Variants in PIK3R4 observed in about 807,000 individuals in gnomAD.
PIK3R4 encodes the protein phosphoinositide-3-kinase regulatory subunit 4.
A neutral mutation model predicts 136.5 loss-of-function variants in PIK3R4; 46 were observed. The ratio of observed to expected loss-of-function variants is 0.34; its 90% CI spans 0.27 to 0.43. PIK3R4 has a LOEUF of 0.43. Among genes scored for constraint, PIK3R4 ranks in the 20% least tolerant of loss-of-function variants. The pLI is 1.00. For missense variants in PIK3R4, 1,331 were observed against 1,649.5 expected (o/e 0.81, Z 3.35); for synonymous variants, 557 against 566.7 (o/e 0.98, Z 0.24).
At position 130,705,667 on chromosome 3, in the gene PIK3R4, A is replaced by C. The variant is rs144146786; in HGVS notation, c.2826T>G (p.Thr942=). The C allele has an allele frequency of 6.8e-6, 11 of 1,612,520 alleles. No individual in the cohort carries two copies. In the African/African-American group the frequency reaches 1.5e-4, roughly 22 times the overall value. ...TYQIRITTCK[T]ELQQLIQQKR... ...TTTGCTGGATGAGTTGCTGAAGTTC[A>C]GTTTTACAAGTTGTAATTCGAATCT... Residue 942 remains threonine (T), a synonymous_variant, in exon 12 of 20, where the codon ACT becomes ACG. Transcript: ENST00000356763.
chr3:130,743,578 ACC>A (rs2066836302), intron 2 of PIK3R4, among the ~76,000 whole-genome samples: 2 of 152,164 alleles, frequency 1.3e-5, no homozygotes, highest in Non-Finnish European at 2.9e-5. Context: ...TGTCTCAGGG[ACC>A]AGCATCACCA....
chr3:130,681,452 G>T, intron 17 of PIK3R4, 39 bp downstream of exon 17: 1 of 1,194,668 alleles, frequency 8.4e-7, no homozygotes, highest in Non-Finnish European at 1.3e-6. Context: ...AGGATGTGGG[G>T]AATAATATCA....
intron 2 of PIK3R4, among the ~76,000 whole-genome samples, chr3:130,743,894 A>T (rs1157189502): frequency 1.3e-5 from 2 of 152,148 alleles, no homozygotes; most frequent in Non-Finnish European, 2.9e-5. Flanking sequence ...GTTCCAGAAA[A>T]CACATCAGTG....
chr3:130,736,797 A>G (rs2066788012), intron 2 of PIK3R4, among the ~76,000 whole-genome samples: 1 of 152,214 alleles, frequency 6.6e-6, no homozygotes, highest in African/African-American at 2.4e-5. Flanking sequence ...CATAAAGCAG[A>G]TAAAATCCTT....
rs765623207 is a variant in PIK3R4, at chr3:130,706,988, G to A, written c.2681C>T (p.Ser894Phe). 7 of 1,612,298 alleles carry A rather than the reference G, an allele frequency of 4.3e-6. No homozygotes were observed. In the African/African-American group the frequency reaches 6.7e-5, roughly 15 times the overall value. The change falls in exon 11 of 20, where the codon TCC becomes TTC. Residue 894 changes from serine (S) to phenylalanine (F), a missense_variant. Around this residue, in one of 2 missense-constraint regions of PIK3R4, gnomAD observed 1,180 missense variants for 1,407.0 expected, o/e 0.84. Coordinates refer to ENST00000356763, the MANE Select transcript of PIK3R4 (RefSeq NM_014602.3). ...IQTGKPPRSE[S>F]SAGICVPLST... ...CAAAGGGACACAAATGCCAGCAGAG[G>A]ACTCGGAACGAGGAGGTTTCCCAGT...
chr3:130,714,884 T>C (rs1166689477), intron 9 of PIK3R4, among the ~76,000 whole-genome samples: 2 of 152,168 alleles, frequency 1.3e-5, no homozygotes, highest in African/African-American at 4.8e-5. Flanking sequence ...TCTTTGCTAT[T>C]GTAAATAGTG....
At chr3:130,731,966 G>A (rs375258225) in intron 4 of PIK3R4, among the ~76,000 whole-genome samples, 2 of 152,108 alleles carry the variant, frequency 1.3e-5, no homozygotes, top group East Asian at 3.9e-4. Flanking sequence ...TTCCAGCCTG[G>A]GTGATCACAT....
intron 3 of PIK3R4, among the ~76,000 whole-genome samples, chr3:130,735,032 T>C (rs1392712802): frequency 6.6e-6 from 1 of 152,098 alleles, no homozygotes; most frequent in Non-Finnish European, 1.5e-5. Context: ...CCCAAAGACA[T>C]GAAGTTATAT....
At chr3:130,722,440 A>T (rs10433410) in intron 7 of PIK3R4, among the ~76,000 whole-genome samples, 3,675 of 152,214 alleles carry the variant, frequency 0.024, 138 homozygotes, top group East Asian at 0.1. Context: ...GGGGTAAAAA[A>T]CTATTTTCAT....
In PIK3R4 at chr3:130,728,529, T is replaced by C; in HGVS notation, c.1741A>G (p.Met581Val). The C allele has an allele frequency of 1.2e-6, 2 of 1,613,758 alleles. No homozygotes were observed. Among genetic ancestry groups the C allele is most frequent in the Non-Finnish European group, 1.7e-6 (2 of 1,179,820 alleles). The stretch of plus-strand genomic sequence containing the variant: ...TTCTTATCATTTAGGAAAGTAATCA[T>C]GTGGGACAACAAAACATCGTTGGCT... Reference protein sequence around the residue: ...QKANDVLLSHMITFLNDKNDW... With the variant: ...QKANDVLLSHVITFLNDKNDW... The change falls in exon 6 of 20, where the codon ATG (methionine) becomes GTG (valine). Residue 581 changes from methionine to valine, a missense_variant. Met to Val is a conservative substitution (Grantham distance 21). Coordinates refer to ENST00000356763, the MANE Select transcript of PIK3R4 (RefSeq NM_014602.3).
At chr3:130,704,632 T>C (rs2066596659) in intron 12 of PIK3R4, among the ~76,000 whole-genome samples, 1 of 152,268 alleles carries the variant, frequency 6.6e-6, no homozygotes, top group South Asian at 2.1e-4. Flanking sequence ...CCTACAAATC[T>C]AGTATCAAAG....
chr3:130,730,662 AAAT>A (rs2066756308), intron 4 of PIK3R4, among the ~76,000 whole-genome samples: 1 of 151,956 alleles, frequency 6.6e-6, no homozygotes, highest in Non-Finnish European at 1.5e-5. Context: ...CAGCTTAAAA[AAAT>A]AATAATATAA....
At chr3:130,739,972 T>C (rs2066811497) in intron 2 of PIK3R4, among the ~76,000 whole-genome samples, 2 of 152,170 alleles carry the variant, frequency 1.3e-5, no homozygotes, top group Non-Finnish European at 2.9e-5. Context: ...ATGTAAAAGC[T>C]GGTGAAAACT....
chr3:130,703,938 T>C (rs1251397237), intron 12 of PIK3R4, 50 bp from the exon 13 acceptor site: 2 of 1,225,006 alleles, frequency 1.6e-6, no homozygotes, highest in African/African-American at 1.5e-5. Context: ...ACAAATACAA[T>C]GTCCCCATCA....
Position 130,728,681 on chromosome 3 carries a change from AGC to A in PIK3R4, c.1587_1588del (p.Glu529AspfsTer6). On this transcript the variant is annotated frameshift_variant and splice_region_variant, in exon 6 of 20. Coordinates refer to ENST00000356763, the MANE Select transcript of PIK3R4 (RefSeq NM_014602.3). LOFTEE classifies it high-confidence loss of function. Reference sequence around the variant, plus strand: ...CTGGACCATTTCATGTAAGGCTTGGAGCTCTAAAAAAAAAAAAAAAAGAAAGA... The same window carrying A: ...CTGGACCATTTCATGTAAGGCTTGGATCTAAAAAAAAAAAAAAAAGAAAGA... The A allele has an allele frequency of 7.9e-7, 1 of 1,265,844 alleles. No individual in the cohort carries two copies. The highest frequency in any genetic ancestry group is 1.1e-6 in the Non-Finnish European group (1 of 944,296). The allele number at this position is 1,265,844 out of a possible 1,614,324, so 78.4% of individuals were successfully genotyped here. A position where few individuals can be genotyped will look rare whatever the true frequency, so the allele number is the denominator to read the frequency against.
intron 13 of PIK3R4, among the ~76,000 whole-genome samples, chr3:130,701,732 A>G (rs2066576054): frequency 6.6e-6 from 1 of 152,150 alleles, no homozygotes; most frequent in Non-Finnish European, 1.5e-5. Flanking sequence ...TACAAATTTT[A>G]TATCAAGAAG....
In PIK3R4 at chr3:130,733,932, T is replaced by G; in HGVS notation, c.1066A>C (p.Asn356His). 1 of 1,614,180 alleles carries G rather than the reference T, an allele frequency of 6.2e-7. No homozygotes were observed. The highest frequency in any genetic ancestry group is 8.5e-7 in the Non-Finnish European group (1 of 1,180,020). Residue 356 changes from asparagine (N) to histidine (H), a missense_variant, in exon 4 of 20, where the codon AAT becomes CAT. Physicochemically the swap from Asn to His is moderately conservative, Grantham distance 68. Around this residue, in one of 2 missense-constraint regions of PIK3R4, gnomAD observed 1,180 missense variants for 1,407.0 expected, o/e 0.84. Transcript: ENST00000356763. ...IRKDLGNIIH[N>H]LCGHDLPEKA... ...TCTGGCAGATCATGTCCACAGAGAT[T>G]GTGAATAATGTTGCCCAAATCCTTC...
rs139579331 is a variant in PIK3R4 at position 130,691,131 on chromosome 3, G to T, written c.3099-477C>A. Reference sequence around the variant, plus strand: ...GGCTGGTTTTGAACTCTTTTCTAATGAGAACTCCCATACTTGTGGTCCTGA... The same window carrying T: ...GGCTGGTTTTGAACTCTTTTCTAATTAGAACTCCCATACTTGTGGTCCTGA... On this transcript the variant is annotated intron_variant, in intron 13 of 19. Transcript: ENST00000356763. Among the ~76,000 whole-genome samples, 441 of 152,086 alleles carry T rather than the reference G, an allele frequency of 2.9e-3. 12 individuals are homozygous for T. Among genetic ancestry groups the T allele is most frequent in the East Asian group, 3.3e-3 (17 of 5,172 alleles).
intron 15 of PIK3R4, among the ~76,000 whole-genome samples, chr3:130,684,727 G>A (rs567422572): frequency 6.6e-6 from 1 of 152,296 alleles, no homozygotes; most frequent in South Asian, 2.1e-4. Flanking sequence ...AAGTCAAAAT[G>A]TTCAGATTGC....
Sources: allele counts gnomAD v4.1 joint callset (sites outside exome capture counted in the v4.1 genomes callset), GRCh38; gene constraint gnomAD v4.1.1; regional missense constraint gnomAD v4.1.1; transcripts MANE v1.5; gene names NCBI Gene and HGNC (gene_info 2026-07-23, HGNC 2026-07-21).